The following ITGA11 variants were observed in gnomAD, a reference collection of about 807,000 sequenced individuals.
ITGA11 encodes integrin alpha-11.
In ITGA11, 97 loss-of-function variants were observed where a neutral mutation model predicts 141.9. The observed-to-expected ratio is 0.68, with a 90% CI of 0.58 to 0.81. The LOEUF is 0.81. ITGA11 is among the 30% of genes least tolerant of loss of function. The pLI is 0.00. For missense variants in ITGA11, 1,387 were observed against 1,559.2 expected (o/e 0.89, Z 1.86); for synonymous variants, 658 against 624.6 (o/e 1.05, Z -0.80).
In ITGA11 at chr15:68,317,178, C is replaced by G. The variant is rs1023132892; in HGVS notation, c.2715+87G>C. Reference sequence around the variant, plus strand: ...ATCCCTCCCTGGTCTTCTGTGTTCACTCTTGTTGCTCTTGCCGCCCTCCCC... The same window carrying G: ...ATCCCTCCCTGGTCTTCTGTGTTCAGTCTTGTTGCTCTTGCCGCCCTCCCC... On this transcript the variant is annotated intron_variant, in intron 21 of 29. Coordinates refer to ENST00000315757, the MANE Select transcript of ITGA11 (RefSeq NM_001004439.2). The G allele has an allele frequency of 1.5e-4, 136 of 909,586 alleles. No individual in the cohort carries two copies. The East Asian group carries it at 3.1e-3, about 21-fold the overall frequency. 56.3% of individuals were successfully genotyped at this position (909,586 alleles called of 1,614,324 possible).
In ITGA11 at chr15:68,421,003, C is replaced by CAGGAA. The variant is rs1315558458; in HGVS notation, c.52+11011_52+11012insTTCCT. Among the ~76,000 whole-genome samples the CAGGAA allele has an allele frequency of 3.5e-5, 2 of 57,938 alleles. 1 individual carries two copies. The highest frequency in any genetic ancestry group is 6.7e-5 in the Non-Finnish European group (2 of 29,706). The allele number at this position is 57,938 out of a possible 152,430, so 38.0% of individuals were successfully genotyped here. Reference sequence around the variant, plus strand: ...GGGAGAAGCATGTTGGAGTAAACTGCCTGAGGTTTGGTGGGCAGGATGCCG... The same window carrying CAGGAA: ...GGGAGAAGCATGTTGGAGTAAACTGCAGGAACTGAGGTTTGGTGGGCAGGATGCCG... On this transcript the variant is annotated intron_variant, in intron 1 of 29. Transcript: ENST00000315757.
In ITGA11 at chr15:68,403,004, G is replaced by A. The variant is rs1467183774; in HGVS notation, c.78C>T (p.Asp26=). 1.2e-6 allele frequency: 2 copies of A among 1,613,254 alleles called. No individual in the cohort carries two copies. The highest frequency in any genetic ancestry group is 1.3e-5 in the African/African-American group (1 of 74,928). Residue 26 remains aspartate, a synonymous_variant, in exon 2 of 30, where the codon GAC becomes GAT. Transcript: ENST00000315757. ...WPGFTDTFNM[D]TRKPRVIPGS... ...CAGGGATGACCCGGGGCTTCCTGGT[G>A]TCCATGTTGAAGGTGTCCGTGAACC...
intron 20 of ITGA11, 132 bp from the exon 21 acceptor site, chr15:68,317,495 T>C (rs1516871): frequency 0.99 from 672,112 of 680,732 alleles, 332,132 homozygotes; most frequent in Non-Finnish European, 1. Flanking sequence ...TATGAAAGCC[T>C]GGACCACAGC....
chr15:68,327,951 A>C, intron 16 of ITGA11, 145 bp downstream of exon 16: 1 of 727,794 alleles, frequency 1.4e-6, no homozygotes, highest in Non-Finnish European at 2.2e-6. Flanking sequence ...AGAGCATCAA[A>C]TGGGATCCAG....
intron 7 of ITGA11, among the ~76,000 whole-genome samples, chr15:68,355,762 T>C (rs556863231): frequency 7.6e-4 from 37 of 48,688 alleles, no homozygotes; most frequent in Non-Finnish European, 1.2e-3. Flanking sequence ...AGCTCTTACT[T>C]TGTGGATTTT....
At chr15:68,390,971 T>C (rs1896106046) in intron 2 of ITGA11, among the ~76,000 whole-genome samples, 1 of 152,152 alleles carries the variant, frequency 6.6e-6, no homozygotes, top group Admixed American at 6.5e-5. Flanking sequence ...AGTCAGCCAA[T>C]GTCTCCTAAA....
Position 68,307,770 on chromosome 15 carries a change from A to G in ITGA11, c.3175-74T>C. On this transcript the variant is annotated intron_variant, in intron 26 of 29. Transcript: ENST00000315757. The surrounding 1 kb of genome is among the most constrained non-coding windows in gnomAD (Gnocchi z 6.1). ...AGGGGGCAGCAACACTGCTTGAACG[A>G]CTGGGGCTCTGCTCCTGGGGGCAGG... The G allele has an allele frequency of 1.0e-6, 1 of 996,944 alleles. No homozygotes were observed. Among genetic ancestry groups the G allele is most frequent in the Non-Finnish European group, 1.6e-6 (1 of 643,688 alleles). 61.8% of individuals were successfully genotyped at this position (996,944 alleles called of 1,614,324 possible).
chr15:68,400,564 A>T lies in ITGA11; in HGVS notation c.164+2354T>A, dbSNP rs1370234326. Among the ~76,000 whole-genome samples the T allele has an allele frequency of 7.1e-5, 8 of 112,576 alleles. No homozygotes were observed. In the East Asian group the frequency reaches 1.1e-3, roughly 15 times the overall value. The allele number at this position is 112,576 out of a possible 152,430, so 73.9% of individuals were successfully genotyped here. A position where few individuals can be genotyped will look rare whatever the true frequency, so the allele number is the denominator to read the frequency against. ...CAGAATATATATATATAATATATAT[A>T]ATATATACAGAATATATATATTTTA... On this transcript the variant is annotated intron_variant, in intron 2 of 29. Transcript: ENST00000315757.
At chr15:68,339,901 T>A (rs897984734) in intron 10 of ITGA11, among the ~76,000 whole-genome samples, 3 of 152,200 alleles carry the variant, frequency 2.0e-5, no homozygotes, top group African/African-American at 7.2e-5. Context: ...GAAAAAGGAA[T>A]GTTCTAGAAA....
intron 20 of ITGA11, among the ~76,000 whole-genome samples, chr15:68,319,871 A>G (rs752509137): frequency 2.8e-4 from 42 of 152,158 alleles, no homozygotes; most frequent in Non-Finnish European, 5.3e-4. Flanking sequence ...GCCCAACCCC[A>G]GAGCAAATCA....
At chr15:68,314,488 C>CTTG (rs1225689086) in intron 22 of ITGA11, among the ~76,000 whole-genome samples, 1 of 152,142 alleles carries the variant, frequency 6.6e-6, no homozygotes, top group Non-Finnish European at 1.5e-5. Flanking sequence ...ACAGTTCTTG[C>CTTG]TTGTTATATA....
At chr15:68,399,187 G>A (rs957563926) in intron 2 of ITGA11, among the ~76,000 whole-genome samples, 4 of 152,008 alleles carry the variant, frequency 2.6e-5, no homozygotes, top group Non-Finnish European at 4.4e-5. Context: ...CTTCTTAAAA[G>A]AAGACATACA....
At chr15:68,331,574 G>C (rs898536239) in intron 14 of ITGA11, among the ~76,000 whole-genome samples, 1 of 151,480 alleles carries the variant, frequency 6.6e-6, no homozygotes, top group Non-Finnish European at 1.5e-5. Flanking sequence ...CGCGTCTCGG[G>C]GGGAGTGAGG....
At chr15:68,368,284 G>A (rs535697816) in intron 3 of ITGA11, among the ~76,000 whole-genome samples, 4 of 152,328 alleles carry the variant, frequency 2.6e-5, no homozygotes, top group Admixed American at 1.3e-4. Flanking sequence ...GGGAAGTCCA[G>A]TCCTCCAGGG....
chr15:68,358,685 C>T (rs1567143261), intron 5 of ITGA11, 100 bp from the exon 6 acceptor site: 2 of 1,285,300 alleles, frequency 1.6e-6, no homozygotes, highest in Non-Finnish European at 2.1e-6. Context: ...TGACTCTGCT[C>T]CATATGTGTA....
chr15:68,375,193 C>T (rs117302394), intron 2 of ITGA11, among the ~76,000 whole-genome samples: 9 of 152,358 alleles, frequency 5.9e-5, no homozygotes, highest in Non-Finnish European at 1.3e-4. Context: ...GTTCCTTTCT[C>T]TCAACACAGC....
At position 68,311,553 on chromosome 15, in the gene ITGA11, G is replaced by A. The variant is rs936341397; in HGVS notation, c.2974-150C>T. 20 of 622,008 alleles carry A rather than the reference G, an allele frequency of 3.2e-5. No individual in the cohort carries two copies. The Middle Eastern group carries it at 2.2e-3, about 68-fold the overall frequency. 38.5% of individuals were successfully genotyped at this position (622,008 alleles called of 1,614,324 possible). On this transcript the variant is annotated intron_variant, in intron 24 of 29. Transcript: ENST00000315757. ...CAAGACCCCTGGTGTTTTCACCATG[G>A]AAGCTCCTAAGCTCTGTCAAATTGT... is the stretch of plus-strand genomic sequence containing the variant.
At chr15:68,419,768 G>A (rs79180612) in intron 1 of ITGA11, among the ~76,000 whole-genome samples, 2,765 of 152,352 alleles carry the variant, frequency 0.018, 38 homozygotes, top group Non-Finnish European at 0.03. Flanking sequence ...AGCAGCAGAT[G>A]TATGACCTTG....
chr15:68,412,448 A>G lies in ITGA11; in HGVS notation c.53-9419T>C, dbSNP rs112692145. ...GTTGTCCTGAATCACTCAGGGAATG[A>G]CAGACGCAGACCCACAGCCAGCCAG... On this transcript the variant is annotated intron_variant, in intron 1 of 29. Transcript: ENST00000315757. 6.6e-3 allele frequency among the ~76,000 whole-genome samples: 1,002 copies of G among 152,080 alleles called. 10 individuals carry two copies. Among genetic ancestry groups the G allele is most frequent in the African/African-American group, 0.023 (954 of 41,510 alleles).
Sources: gnomAD v4.1 joint callset for allele counts (sites outside exome capture counted in the v4.1 genomes callset) on GRCh38, gnomAD v4.1.1 for gene constraint, Gnocchi (gnomAD v3.1) non-coding constraint, MANE v1.5 for transcripts, NCBI Gene and HGNC (gene_info 2026-07-23, HGNC 2026-07-21) for gene names.